FAM131B: variants seen among roughly 807,000 people sequenced by gnomAD.
FAM131B encodes the protein protein FAM131B.
A neutral mutation model predicts 42.0 loss-of-function variants in FAM131B; 19 were observed. The ratio of observed to expected loss-of-function variants is 0.45; its 90% CI spans 0.32 to 0.66. FAM131B has a LOEUF of 0.66. Ranked by LOEUF, FAM131B falls within the 30% of genes least tolerant of loss-of-function variation. The pLI is 0.05. For missense variants in FAM131B, 370 were observed against 468.4 expected, an observed-to-expected ratio of 0.79 and a Z score of 1.94; for synonymous variants, 183 against 177.6, an observed-to-expected ratio of 1.03 and a Z score of -0.24.
At chr7:143,381,769 G>A in the FAM131B span, 1 of 1,574,780 alleles carries the variant, frequency 6.4e-7, no homozygotes. Flanking sequence ...TTCCCCCGCC[G>A]CCCCCGGAAG....
In FAM131B at chr7:143,358,731, A is replaced by G; in HGVS notation, c.466+96T>C. 1.1e-6 allele frequency: 1 copy of G among 902,834 alleles called. No homozygotes were observed. Among genetic ancestry groups the G allele is most frequent in the Non-Finnish European group, 1.8e-6 (1 of 567,218 alleles). The allele number at this position is 902,834 out of a possible 1,614,324, so 55.9% of individuals were successfully genotyped here. On this transcript the variant is annotated intron_variant, in intron 5 of 6. Coordinates refer to ENST00000443739, the MANE Select transcript of FAM131B (RefSeq NM_001031690.3). This position sits in a 1 kb window ranked among gnomAD's most constrained non-coding sequence, Gnocchi z 4.7. ...GGAAATGTGAATCTACGGTCAAAGT[A>G]TGGATGGAGCTAATCCTGCCACAGG...
upstream of FAM131B, among the ~76,000 whole-genome samples, chr7:143,366,331 CTGA>C (rs1804181915): frequency 6.6e-6 from 1 of 152,132 alleles, no homozygotes; most frequent in East Asian, 1.9e-4. Flanking sequence ...TCATAAAATA[CTGA>C]TGATAAGTGT....
At position 143,358,974 on chromosome 7, in the gene FAM131B, GC is replaced by G. The variant is rs775219695; in HGVS notation, c.318del (p.Gln107LysfsTer7). 6.2e-7 allele frequency: 1 copy of G among 1,614,022 alleles called. No homozygotes were observed. The highest frequency in any genetic ancestry group is 8.5e-7 in the Non-Finnish European group (1 of 1,180,014). On this transcript the variant is annotated frameshift_variant, in exon 5 of 7. Transcript: ENST00000443739. LOFTEE classifies it high-confidence loss of function. The surrounding 1 kb of genome is among the most constrained non-coding windows in gnomAD (Gnocchi z 4.7). Reference sequence around the variant, plus strand: ...TCAATCATGTGGGCCACCCGGCCTTGCCCCATGGCTGTGGGCTTTGTCACAT... The same window carrying G: ...TCAATCATGTGGGCCACCCGGCCTTGCCCATGGCTGTGGGCTTTGTCACAT... ...KDHVTKPTAMGQGRVAHMIEW... is the reference protein window; with the variant it reads ...KDHVTKPTAMXQGRVAHMIEW...
At position 143,359,647 on chromosome 7, in the gene FAM131B, T is replaced by C. The variant is rs1563096593; in HGVS notation, c.174+85A>G. The C allele has an allele frequency of 7.6e-7, 1 of 1,317,176 alleles. No homozygotes were observed. Among genetic ancestry groups the C allele is most frequent in the East Asian group, 2.5e-5 (1 of 39,870 alleles). The allele number at this position is 1,317,176 out of a possible 1,614,324, so 81.6% of individuals were successfully genotyped here. A position where few individuals can be genotyped will look rare whatever the true frequency, so the allele number is the denominator to read the frequency against. On this transcript the variant is annotated intron_variant, in intron 3 of 6. Coordinates refer to ENST00000443739, the MANE Select transcript of FAM131B (RefSeq NM_001031690.3). The surrounding 1 kb of genome is among the most constrained non-coding windows in gnomAD (Gnocchi z 5.4). The stretch of plus-strand genomic sequence containing the variant: ...CACAGTGCCTATTGGAGCCAGGGAA[T>C]ACCGTGCTGGTTGGAAGGTGCAAGG...
At chr7:143,371,593 A>AAC in the FAM131B span, among the ~76,000 whole-genome samples, 1 of 135,144 alleles carries the variant, frequency 7.4e-6, no homozygotes, top group Non-Finnish European at 1.5e-5. Context: ...CAGCCTGGGC[A>AAC]ACACCGCAAG....
Position 143,362,116 on chromosome 7 carries a change from G to A in FAM131B, c.28+460C>T. 8 of 884,374 alleles carry A rather than the reference G, an allele frequency of 9.0e-6. No individual in the cohort carries two copies. Among genetic ancestry groups the A allele is most frequent in the Non-Finnish European group, 1.1e-5 (8 of 736,756 alleles). 54.8% of individuals were successfully genotyped at this position (884,374 alleles called of 1,614,324 possible). On this transcript the variant is annotated intron_variant, in intron 1 of 6. Transcript: ENST00000443739. This position sits in a 1 kb window ranked among gnomAD's most constrained non-coding sequence, Gnocchi z 7.7. Reference sequence around the variant, plus strand: ...ACCCGAGCCAGATGGAGGCGGCGGCGGGGGGTGGCGTGGGGGGCGTGCGAA... The same window carrying A: ...ACCCGAGCCAGATGGAGGCGGCGGCAGGGGGTGGCGTGGGGGGCGTGCGAA...
Position 143,357,381 on chromosome 7 carries a change from G to A in FAM131B, c.509C>T (p.Ala170Val), listed in dbSNP as rs372106778. ...QFAISEATLM[A>V]WSSMDGEDMS... ...GTCCTCACCATCCATGGAAGACCAGGCCATGAGTGTGGCCTCAGAGATAGC... is the reference window on the plus strand; with the variant it reads ...GTCCTCACCATCCATGGAAGACCAGACCATGAGTGTGGCCTCAGAGATAGC... Residue 170 changes from alanine (A) to valine (V), a missense_variant, in exon 6 of 7, where the codon GCC (alanine) becomes GTC (valine). Transcript: ENST00000443739. The A allele has an allele frequency of 4.8e-5, 77 of 1,613,574 alleles. No homozygotes were observed. The highest frequency in any genetic ancestry group is 4.3e-5 in the Non-Finnish European group (51 of 1,179,792).
At chr7:143,382,216 C>A in the FAM131B span, 1 of 1,593,954 alleles carries the variant, frequency 6.3e-7, no homozygotes, top group Non-Finnish European at 8.6e-7. Flanking sequence ...GTAGAGGGAC[C>A]CCGGCCGACG....
At chr7:143,360,345 T>G (rs1803900316) in intron 1 of FAM131B, 196 bp from the exon 2 acceptor site, 1 of 1,420,106 alleles carries the variant, frequency 7.0e-7, no homozygotes, top group East Asian at 2.6e-5. Flanking sequence ...CCCAGAATAG[T>G]GCACTCAGAA....
chr7:143,360,788 A>C (rs1243837889), intron 1 of FAM131B: 1 of 152,606 alleles, frequency 6.6e-6, no homozygotes, highest in East Asian at 1.9e-4. Flanking sequence ...AGAACTTTTT[A>C]AAATAGGAAT....
the FAM131B span, chr7:143,381,789 G>A: frequency 6.5e-7 from 1 of 1,543,442 alleles, no homozygotes; most frequent in Non-Finnish European, 8.7e-7. Context: ...GGTATGCGGC[G>A]GGGCTTGGGG....
In FAM131B at chr7:143,362,155, T is replaced by C. The variant is rs1028474063; in HGVS notation, c.28+421A>G. On this transcript the variant is annotated intron_variant, in intron 1 of 6. Coordinates refer to ENST00000443739, the MANE Select transcript of FAM131B (RefSeq NM_001031690.3). This position sits in a 1 kb window ranked among gnomAD's most constrained non-coding sequence, Gnocchi z 7.7. ...GGGGCGTGCGAAAGAAACTCGGGGC[T>C]GGCGCGGAGGCCGAGGGTCCTTCGC... 1.0e-5 allele frequency: 4 copies of C among 389,214 alleles called. No individual in the cohort carries two copies. The highest frequency in any genetic ancestry group is 6.6e-5 in the African/African-American group (3 of 45,148). The allele number at this position is 389,214 out of a possible 1,614,324, so 24.1% of individuals were successfully genotyped here. A position where few individuals can be genotyped will look rare whatever the true frequency, so the allele number is the denominator to read the frequency against.
the FAM131B span, among the ~76,000 whole-genome samples, chr7:143,368,216 A>T: frequency 1.3e-5 from 2 of 152,250 alleles, no homozygotes; most frequent in Admixed American, 1.3e-4. Context: ...AGTCTGGGCA[A>T]CCATGAGTCA....
chr7:143,361,966 G>C, intron 1 of FAM131B: 6 of 749,662 alleles, frequency 8.0e-6, no homozygotes, highest in Non-Finnish European at 9.8e-6. Flanking sequence ...CTGTCCCTCC[G>C]GGCGTGGAAC....
upstream of FAM131B, among the ~76,000 whole-genome samples, chr7:143,362,948 C>G (rs970395198): frequency 1.3e-5 from 2 of 151,856 alleles, no homozygotes; most frequent in Non-Finnish European, 2.9e-5. This position sits in a 1 kb window ranked among gnomAD's most constrained non-coding sequence, Gnocchi z 7.7. Context: ...TCCTCCCGCC[C>G]GTGCCAAGCC....
Position 143,358,172 on chromosome 7 carries a change from C to G in FAM131B, c.466+655G>C, listed in dbSNP as rs182134697. Among the ~76,000 whole-genome samples the G allele has an allele frequency of 9.6e-4, 146 of 152,258 alleles. No homozygotes were observed. Among genetic ancestry groups the G allele is most frequent in the Middle Eastern group, 3.4e-3 (1 of 294 alleles). Reference sequence around the variant, plus strand: ...TGAAGCTGGTACTGCTCCTGCCCCCCACCCTACATGTTTGTCACCCTGTTC... The same window carrying G: ...TGAAGCTGGTACTGCTCCTGCCCCCGACCCTACATGTTTGTCACCCTGTTC... On this transcript the variant is annotated intron_variant, in intron 5 of 6. Transcript: ENST00000443739. This position sits in a 1 kb window ranked among gnomAD's most constrained non-coding sequence, Gnocchi z 4.7.
the FAM131B span, among the ~76,000 whole-genome samples, chr7:143,373,844 T>C: frequency 1.3e-5 from 2 of 152,176 alleles, no homozygotes; most frequent in East Asian, 3.9e-4. Flanking sequence ...GGCGAGCAAC[T>C]GTGGGCAAGG....
chr7:143,356,787 C>T lies in FAM131B; in HGVS notation c.846G>A (p.Gly282=). Residue 282 remains glycine (G), a synonymous_variant, in exon 7 of 7, where the codon GGG becomes GGA. Transcript: ENST00000443739. The surrounding 1 kb of genome is among the most constrained non-coding windows in gnomAD (Gnocchi z 4.4). ...CCCCCGGAGCCCAGTCAGTGTCTCCCCCCAGCAAAGGTGGAGGCTCCAGAG... is the reference window on the plus strand; with the variant it reads ...CCCCCGGAGCCCAGTCAGTGTCTCCTCCCAGCAAAGGTGGAGGCTCCAGAG... ...YSALEPPPLL[G]GDTDWAPGVG... is the part of the protein sequence containing the mutation. The T allele has an allele frequency of 1.9e-6, 3 of 1,614,144 alleles. No homozygotes were observed. Among genetic ancestry groups the T allele is most frequent in the Admixed American group, 1.7e-5 (1 of 60,026 alleles).
Position 143,358,366 on chromosome 7 carries a change from T to C in FAM131B, c.466+461A>G, listed in dbSNP as rs1803784620. ...CACTACTTTCCTGGAACTAAACCTC[T>C]TCTGTAGGCCTCCCGTCTCTCACAC... On this transcript the variant is annotated intron_variant, in intron 5 of 6. Transcript: ENST00000443739. The surrounding 1 kb of genome is among the most constrained non-coding windows in gnomAD (Gnocchi z 4.7). Among the ~76,000 whole-genome samples, 2 of 152,234 alleles carry C rather than the reference T, an allele frequency of 1.3e-5. No homozygotes were observed. Among genetic ancestry groups the C allele is most frequent in the Non-Finnish European group, 2.9e-5 (2 of 68,048 alleles).
Sources: allele counts gnomAD v4.1 joint callset (sites outside exome capture counted in the v4.1 genomes callset), GRCh38; gene constraint gnomAD v4.1.1; non-coding constraint Gnocchi (gnomAD v3.1); transcripts MANE v1.5; gene names NCBI Gene and HGNC (gene_info 2026-07-23, HGNC 2026-07-21).